The following SOS1 variants were observed in gnomAD, a reference collection of about 807,000 sequenced individuals.
SOS1 encodes SOS Ras/Rac guanine nucleotide exchange factor 1, also known as son of sevenless homolog 1.
Under a neutral mutation model 157.6 loss-of-function variants are expected in SOS1, and 25 were observed. The ratio of observed to expected loss-of-function variants is 0.16; its 90% CI spans 0.12 to 0.22. SOS1 has a LOEUF of 0.22. Ranked by LOEUF, SOS1 falls within the 10% of genes least tolerant of loss-of-function variation. The pLI is 1.00. For missense variants in SOS1, 1,237 were observed against 1,599.1 expected (o/e 0.77, Z 3.86); for synonymous variants, 528 against 534.0 (o/e 0.99, Z 0.16).
At chr2:39,027,387 A>G (rs1489855465) in intron 8 of SOS1, among the ~76,000 whole-genome samples, 2 of 152,232 alleles carry the variant, frequency 1.3e-5, no homozygotes, top group African/African-American at 2.4e-5. Context: ...TCAAACCCAT[A>G]AAACTTTCCT....
intron 1 of SOS1, among the ~76,000 whole-genome samples, chr2:39,078,566 G>C (rs1310408712): frequency 6.6e-6 from 1 of 152,154 alleles, no homozygotes; most frequent in Non-Finnish European, 1.5e-5. Context: ...CCTGAGCTCT[G>C]TCTGTCAGAT....
upstream of SOS1, among the ~76,000 whole-genome samples, chr2:39,123,860 C>G (rs972167897): frequency 6.6e-6 from 1 of 152,212 alleles, no homozygotes; most frequent in Non-Finnish European, 1.5e-5. Context: ...CGTACATTCA[C>G]TCACTCGGGC....
intron 9 of SOS1, chr2:39,023,777 C>T (rs1317803263): frequency 6.3e-6 from 3 of 478,422 alleles, no homozygotes; most frequent in African/African-American, 2.0e-5. Flanking sequence ...CTTCAGCTTA[C>T]CAGTTGACTC....
intron 1 of SOS1, among the ~76,000 whole-genome samples, chr2:39,106,212 C>A (rs1459716986): frequency 7.2e-6 from 1 of 138,876 alleles, no homozygotes; most frequent in Non-Finnish European, 1.6e-5. Flanking sequence ...CACACACACA[C>A]AAATCAGCAT....
rs531339499 is a variant in SOS1 at position 39,055,011 on chromosome 2, T to C, written c.511-188A>G. The stretch of plus-strand genomic sequence containing the variant: ...CTAAAACAGAATTCAACATGTGATA[T>C]AACTTACTACACTCCTCCAAGTTCT... On this transcript the variant is annotated intron_variant, in intron 4 of 22. Transcript: ENST00000402219. Among the ~76,000 whole-genome samples the C allele has an allele frequency of 1.8e-4, 28 of 152,322 alleles. No homozygotes were observed. The South Asian group carries it at 5.6e-3, about 30-fold the overall frequency.
rs1673851816 is a variant in SOS1, at chr2:39,120,787, G to A, written c.-365C>T. On this transcript the variant is annotated 5_prime_UTR_variant, in exon 1 of 23. Transcript: ENST00000402219. ...GGGCTGCACTCCCGGGCCCGGTCTG[G>A]CCCCGCGGCGGAGCTGGCGGCTGGG... Among the ~76,000 whole-genome samples, 1 of 149,300 alleles carries A rather than the reference G, an allele frequency of 6.7e-6. No homozygotes were observed. Among genetic ancestry groups the A allele is most frequent in the Non-Finnish European group, 1.5e-5 (1 of 67,196 alleles).
chr2:39,076,608 A>C (rs1334523487), intron 1 of SOS1, among the ~76,000 whole-genome samples: 3 of 152,178 alleles, frequency 2.0e-5, no homozygotes, highest in African/African-American at 7.2e-5. Flanking sequence ...ATACAAGCAA[A>C]AACTCAGGGC....
At position 38,982,305 on chromosome 2, in the gene SOS1, GCTT is replaced by G. The variant is rs1366003425; in HGVS notation, c.*3516_*3518del. On this transcript the variant is annotated 3_prime_UTR_variant, in exon 23 of 23. Coordinates refer to ENST00000402219, the MANE Select transcript of SOS1 (RefSeq NM_005633.4). ...TTTAGATTTATAATATAGACTTCAT[GCTT>G]CTTAAGTAGAGCTCAAAATATTTCA... The G allele has an allele frequency of 6.6e-6, 1 of 152,160 alleles. No homozygotes were observed. Among genetic ancestry groups the G allele is most frequent in the Admixed American group, 6.6e-5 (1 of 15,256 alleles). 9.4% of individuals were successfully genotyped at this position (152,160 alleles called of 1,614,324 possible).
intron 1 of SOS1, among the ~76,000 whole-genome samples, chr2:39,076,650 T>C (rs1221885898): frequency 6.6e-6 from 1 of 152,062 alleles, no homozygotes; most frequent in Non-Finnish European, 1.5e-5. Context: ...CTAAACTTGA[T>C]AAAGGATATA....
intron 15 of SOS1, among the ~76,000 whole-genome samples, chr2:39,008,544 C>T (rs970352625): frequency 5.3e-5 from 8 of 152,132 alleles, no homozygotes; most frequent in African/African-American, 1.9e-4. Context: ...AAGATACACC[C>T]TAGACTGTAG....
intron 8 of SOS1, among the ~76,000 whole-genome samples, chr2:39,027,618 T>A (rs1670007968): frequency 6.6e-6 from 1 of 152,212 alleles, no homozygotes; most frequent in South Asian, 2.1e-4. Context: ...AATTAGTATG[T>A]AAATGAGACT....
chr2:39,117,115 G>A (rs983922792), intron 1 of SOS1, among the ~76,000 whole-genome samples: 5 of 150,096 alleles, frequency 3.3e-5, no homozygotes, highest in African/African-American at 9.8e-5. Context: ...TGCAACCTCC[G>A]TCTTCCGGTT....
upstream of SOS1, among the ~76,000 whole-genome samples, chr2:39,121,888 G>A (rs776274715): frequency 1.3e-5 from 2 of 152,166 alleles, no homozygotes; most frequent in African/African-American, 2.4e-5. Flanking sequence ...GACACCTTAT[G>A]ATTTATCATT....
chr2:39,121,999 T>TTA (rs1673908363), upstream of SOS1, among the ~76,000 whole-genome samples: 1 of 152,230 alleles, frequency 6.6e-6, no homozygotes, highest in East Asian at 1.9e-4. Context: ...TAGCCTGGGT[T>TTA]AAAGCTGACA....
Position 39,022,800 on chromosome 2 carries a change from G to A in SOS1, c.1628C>T (p.Ser543Phe). 2 of 1,613,522 alleles carry A rather than the reference G, an allele frequency of 1.2e-6. No individual in the cohort carries two copies. The highest frequency in any genetic ancestry group is 8.5e-7 in the Non-Finnish European group (1 of 1,179,578). Reference protein sequence around the residue: ...EKNNWMAALISLQYRSTLERM... With the variant: ...EKNNWMAALIFLQYRSTLERM... ...TTCCAGTGTACTCCGGTACTGTAAA[G>A]ATATCAATGCTGCCATCCAATTGTT... The change falls in exon 10 of 23, where the codon TCT (serine) becomes TTT (phenylalanine). Residue 543 changes from serine (S) to phenylalanine (F), a missense_variant. Physicochemically the swap from Ser to Phe is radical, Grantham distance 155. Transcript: ENST00000402219.
Position 39,062,407 on chromosome 2 carries a change from G to A in SOS1, c.214-3603C>T, listed in dbSNP as rs1177999982. The stretch of plus-strand genomic sequence containing the variant: ...CACTCCAGCCTGGGTGACAGAGGGA[G>A]TCTCTGTCTCAAAATAAAAAAAAAA... On this transcript the variant is annotated intron_variant, in intron 2 of 22. Transcript: ENST00000402219. Among the ~76,000 whole-genome samples, 3 of 130,084 alleles carry A rather than the reference G, an allele frequency of 2.3e-5. No individual in the cohort carries two copies. The Admixed American group carries it at 2.8e-4, about 12-fold the overall frequency. 85.3% of individuals were successfully genotyped at this position (130,084 alleles called of 152,430 possible). A position where few individuals can be genotyped will look rare whatever the true frequency, so the allele number is the denominator to read the frequency against.
At position 39,056,875 on chromosome 2, in the gene SOS1, TTAAAA is replaced by T; in HGVS notation, c.346-14_346-10del. ...TTATAACCTAGGACCTCCTGCAAAA[TTAAAA>T]GAAAAGCATGTTTAAACATCATATA... On this transcript the variant is annotated splice_polypyrimidine_tract_variant and intron_variant, in intron 3 of 22. Transcript: ENST00000402219. 1 of 1,593,224 alleles carries T rather than the reference TTAAAA, an allele frequency of 6.3e-7. No individual in the cohort carries two copies. The highest frequency in any genetic ancestry group is 8.6e-7 in the Non-Finnish European group (1 of 1,161,752).
In SOS1 at chr2:39,046,719, T is replaced by G. The variant is rs1397207112; in HGVS notation, c.864+4425A>C. 3.9e-5 allele frequency among the ~76,000 whole-genome samples: 6 copies of G among 152,098 alleles called. No individual in the cohort carries two copies. The East Asian group carries it at 1.2e-3, about 29-fold the overall frequency. On this transcript the variant is annotated intron_variant, in intron 6 of 22. Coordinates refer to ENST00000402219, the MANE Select transcript of SOS1 (RefSeq NM_005633.4). ...GGTTTCACCATATTGCCCAGGCTGG[T>G]CTTGAACTCCTGAGCTCAAGTGACC...
At chr2:39,031,141 T>C (rs1292880894) in intron 8 of SOS1, among the ~76,000 whole-genome samples, 3 of 152,230 alleles carry the variant, frequency 2.0e-5, no homozygotes, top group Admixed American at 1.3e-4. Flanking sequence ...GACTTCGTGG[T>C]ACTTTGCTGT....
Sources: allele counts gnomAD v4.1 joint callset (sites outside exome capture counted in the v4.1 genomes callset), GRCh38; gene constraint gnomAD v4.1.1; transcripts MANE v1.5; gene names NCBI Gene and HGNC (gene_info 2026-07-23, HGNC 2026-07-21).